Variants in HERPUD2 observed in about 807,000 individuals in gnomAD.
The protein encoded by HERPUD2 is homocysteine-responsive endoplasmic reticulum-resident ubiquitin-like domain member 2 protein.
In HERPUD2, 13 loss-of-function variants were observed where a neutral mutation model predicts 49.9. That is an observed-to-expected ratio of 0.26 (90% CI 0.17 to 0.41). The LOEUF (loss-of-function observed/expected upper bound fraction) is 0.41, where lower values mean the gene tolerates loss of function less well. Ranked by LOEUF, HERPUD2 falls within the 10% of genes least tolerant of loss-of-function variation. The probability of loss-of-function intolerance (pLI) is 1.00; values close to 1 mark genes in which losing one functional copy is unlikely to be tolerated. For synonymous variants in HERPUD2, 172 were observed against 171.4 expected (o/e 1.00, Z -0.03); for missense variants, 449 against 492.2 (o/e 0.91, Z 0.83).
At chr7:35,685,316 A>T (rs551338054) in intron 2 of HERPUD2, among the ~76,000 whole-genome samples, 1 of 132,482 alleles carries the variant, frequency 7.5e-6, no homozygotes, top group South Asian at 2.5e-4. Flanking sequence ...AACACTTGGA[A>T]TTTTTTTTGT....
chr7:35,676,026 A>C (rs1785752023), intron 2 of HERPUD2, among the ~76,000 whole-genome samples: 2 of 152,214 alleles, frequency 1.3e-5, no homozygotes, highest in African/African-American at 4.8e-5. Context: ...TAATGTTACC[A>C]CATTCAACAA....
rs1189813440 is a variant in HERPUD2, at chr7:35,635,166, T to G, written c.910A>C (p.Met304Leu). 2 of 1,613,956 alleles carry G rather than the reference T, an allele frequency of 1.2e-6. No individual in the cohort carries two copies. The highest frequency in any genetic ancestry group is 1.7e-6 in the Non-Finnish European group (2 of 1,179,946). The change falls in exon 7 of 9, where the codon ATG becomes CTG. Residue 304 changes from methionine (M) to leucine (L), a missense_variant. Physicochemically the swap from Met to Leu is conservative, Grantham distance 15. Coordinates refer to ENST00000311350, the MANE Select transcript of HERPUD2 (RefSeq NM_022373.5). ...ACCAGTAGCATGGCTCCCATTACCATGATAAACCGACTAAAAGAAGAATAG... is the reference window on the plus strand; with the variant it reads ...ACCAGTAGCATGGCTCCCATTACCAGGATAAACCGACTAAAAGAAGAATAG... ...YFYSSFSRFI[M>L]VMGAMLLVYL... is the part of the protein sequence containing the mutation.
chr7:35,674,370 T>C (rs1255823274), intron 2 of HERPUD2, among the ~76,000 whole-genome samples: 2 of 110,342 alleles, frequency 1.8e-5, no homozygotes, highest in East Asian at 5.0e-4. Flanking sequence ...AAATCATAAG[T>C]CTTACAACCT....
At chr7:35,638,130 T>C (rs1185360398) in intron 6 of HERPUD2, among the ~76,000 whole-genome samples, 2 of 152,228 alleles carry the variant, frequency 1.3e-5, no homozygotes, top group Admixed American at 1.3e-4. Context: ...TAAAATGTTA[T>C]ATTAAAAATC....
intron 2 of HERPUD2, among the ~76,000 whole-genome samples, chr7:35,690,108 C>T (rs1426208238): frequency 2.0e-5 from 3 of 152,328 alleles, no homozygotes; most frequent in Middle Eastern, 3.4e-3. Flanking sequence ...CAAGTATCTT[C>T]ACCACCAAAC....
At chr7:35,674,018 G>A (rs1311573172) in intron 2 of HERPUD2, among the ~76,000 whole-genome samples, 7 of 152,002 alleles carry the variant, frequency 4.6e-5, no homozygotes, top group Admixed American at 2.0e-4. Context: ...TGCAAAACAG[G>A]TGAATGTTCT....
At position 35,670,268 on chromosome 7, in the gene HERPUD2, T is replaced by C; in HGVS notation, c.286A>G (p.Lys96Glu). ...TGACTTTCTCTATTGGTGCTGGATT[T>C]TGGAGAACTGGGAGGAGTCCGAGAA... is the stretch of plus-strand genomic sequence containing the variant. ...CTSRTPPSSPKSSTNRESHEA... is the reference protein window; with the variant it reads ...CTSRTPPSSPESSTNRESHEA... Residue 96 changes from lysine to glutamate, a missense_variant, in exon 4 of 9, where the codon AAA becomes GAA. Lys to Glu is a moderately conservative substitution (Grantham distance 56, BLOSUM62 1). Coordinates refer to ENST00000311350, the MANE Select transcript of HERPUD2 (RefSeq NM_022373.5). 6.3e-7 allele frequency: 1 copy of C among 1,591,718 alleles called. No individual in the cohort carries two copies. The highest frequency in any genetic ancestry group is 8.6e-7 in the Non-Finnish European group (1 of 1,167,410).
rs192336459 is a variant in HERPUD2, at chr7:35,693,871, C to T, written c.147+313G>A. Among the ~76,000 whole-genome samples, 1,068 of 152,234 alleles carry T rather than the reference C, an allele frequency of 7.0e-3. 15 individuals are homozygous for T. Among genetic ancestry groups the T allele is most frequent in the Middle Eastern group, 0.02 (6 of 294 alleles). On this transcript the variant is annotated intron_variant, in intron 2 of 8. Transcript: ENST00000311350. ...AAGGCTGGTCTCGAACTCCTGACCTCGTGATCCGCCCGCCTTGGCCTCCCA... is the reference window on the plus strand; with the variant it reads ...AAGGCTGGTCTCGAACTCCTGACCTTGTGATCCGCCCGCCTTGGCCTCCCA...
At chr7:35,654,853 T>TTTTA (rs920465172) in intron 5 of HERPUD2, among the ~76,000 whole-genome samples, 3 of 151,298 alleles carry the variant, frequency 2.0e-5, no homozygotes, top group Non-Finnish European at 4.4e-5. Context: ...TTTTTGTGGG[T>TTTTA]TTTATTTATT....
chr7:35,663,063 T>G (rs1785460852), intron 5 of HERPUD2, among the ~76,000 whole-genome samples: 2 of 152,368 alleles, frequency 1.3e-5, no homozygotes, highest in East Asian at 3.8e-4. Context: ...GATTCTGGTA[T>G]GTTGTGTCTT....
chr7:35,694,174 A>G lies in HERPUD2; in HGVS notation c.147+10T>C. 6.2e-7 allele frequency: 1 copy of G among 1,614,110 alleles called. No individual in the cohort carries two copies. The highest frequency in any genetic ancestry group is 2.2e-5 in the East Asian group (1 of 44,880). On this transcript the variant is annotated intron_variant, in intron 2 of 8. Coordinates refer to ENST00000311350, the MANE Select transcript of HERPUD2 (RefSeq NM_022373.5). ...GTCAGAGCAGCTGCCCCCAGCTTTT[A>G]CACACTTACTGGTTTGCTAGGGTAA... is the stretch of plus-strand genomic sequence containing the variant.
intron 5 of HERPUD2, among the ~76,000 whole-genome samples, chr7:35,656,320 A>G (rs1435413888): frequency 2.0e-5 from 3 of 152,094 alleles, no homozygotes; most frequent in Admixed American, 2.0e-4. Context: ...AATGAAAGAA[A>G]TTGAAGAGGA....
intron 2 of HERPUD2, among the ~76,000 whole-genome samples, chr7:35,692,266 T>C (rs1786210153): frequency 1.3e-5 from 2 of 152,104 alleles, no homozygotes; most frequent in Non-Finnish European, 2.9e-5. Flanking sequence ...GGCCTCTTCA[T>C]GGGTAGATAA....
chr7:35,642,081 T>C (rs1313918034), intron 5 of HERPUD2, among the ~76,000 whole-genome samples: 1 of 152,180 alleles, frequency 6.6e-6, no homozygotes, highest in Admixed American at 6.5e-5. Context: ...AAAGGTCTAA[T>C]ATCTAGCATC....
chr7:35,683,726 A>C (rs1321478726), intron 2 of HERPUD2, among the ~76,000 whole-genome samples: 3 of 152,226 alleles, frequency 2.0e-5, no homozygotes, highest in Admixed American at 6.5e-5. Context: ...ACAAGAAAAA[A>C]AAATCCCATC....
At chr7:35,640,485 G>A (rs1583537988) in intron 5 of HERPUD2, among the ~76,000 whole-genome samples, 1 of 152,106 alleles carries the variant, frequency 6.6e-6, no homozygotes, top group East Asian at 1.9e-4. Context: ...AAAACATATG[G>A]AGAATATAAG....
rs1393472022 is a variant in HERPUD2 at position 35,677,004 on chromosome 7, T to C, written c.148-3726A>G. ...AACTGTGTCATCATCCTGACATTTTTAAATTCTTGTTTTCATTTAGAGATT... is the reference window on the plus strand; with the variant it reads ...AACTGTGTCATCATCCTGACATTTTCAAATTCTTGTTTTCATTTAGAGATT... On this transcript the variant is annotated intron_variant, in intron 2 of 8. Transcript: ENST00000311350. 6.6e-5 allele frequency among the ~76,000 whole-genome samples: 10 copies of C among 152,206 alleles called. 1 individual carries two copies. Among genetic ancestry groups the C allele is most frequent in the Admixed American group, 6.5e-4 (10 of 15,286 alleles).
At chr7:35,687,660 C>T (rs1393413040) in intron 2 of HERPUD2, among the ~76,000 whole-genome samples, 1 of 152,192 alleles carries the variant, frequency 6.6e-6, no homozygotes, top group African/African-American at 2.4e-5. Flanking sequence ...TAAGTCCTAA[C>T]CTGGACTTTT....
At chr7:35,679,741 T>A (rs1227639357) in intron 2 of HERPUD2, among the ~76,000 whole-genome samples, 1 of 152,208 alleles carries the variant, frequency 6.6e-6, no homozygotes, top group African/African-American at 2.4e-5. Flanking sequence ...TATACCCAAC[T>A]GCTATGAGAT....
Sources: gnomAD v4.1 joint callset for allele counts (sites outside exome capture counted in the v4.1 genomes callset) on GRCh38, gnomAD v4.1.1 for gene constraint, MANE v1.5 for transcripts, NCBI Gene and HGNC (gene_info 2026-07-23, HGNC 2026-07-21) for gene names.